Variants in FOCAD observed in about 807,000 individuals in gnomAD.
The protein encoded by FOCAD is KIAA1797.
Under a neutral mutation model 225.6 loss-of-function variants are expected in FOCAD, and 198 were observed. The observed-to-expected ratio is 0.88, with a 90% CI of 0.78 to 0.99. The LOEUF (loss-of-function observed/expected upper bound fraction) is 0.99, where lower values mean the gene tolerates loss of function less well. Among genes scored for constraint, FOCAD ranks in the 50% least tolerant of loss-of-function variants. The pLI, the probability that FOCAD is intolerant of heterozygous loss-of-function variation, is 0.00. For synonymous variants in FOCAD, 897 were observed against 755.0 expected (o/e 1.19, Z -3.08); for missense variants, 2,713 against 2,123.6 (o/e 1.28, Z -5.46).
chr9:20,967,974 A>C (rs554018746), intron 35 of FOCAD, among the ~76,000 whole-genome samples: 1 of 152,258 alleles, frequency 6.6e-6, no homozygotes, highest in Non-Finnish European at 1.5e-5. Flanking sequence ...CTGATCTCTT[A>C]GAATAAGTTA....
chr9:20,856,433 A>T (rs995887973), intron 15 of FOCAD, among the ~76,000 whole-genome samples: 3 of 151,740 alleles, frequency 2.0e-5, no homozygotes, highest in South Asian at 4.2e-4. Context: ...TTTTGAGTGG[A>T]TTGTTAGATT....
At chr9:20,812,737 C>T (rs1430972871) in intron 11 of FOCAD, among the ~76,000 whole-genome samples, 1 of 152,068 alleles carries the variant, frequency 6.6e-6, no homozygotes, top group African/African-American at 2.4e-5. Context: ...CTCCTATCCA[C>T]ATTTTGCCAT....
chr9:20,988,255 A>G, intron 40 of FOCAD, 77 bp from the exon 41 acceptor site: 1 of 856,450 alleles, frequency 1.2e-6, no homozygotes, highest in Non-Finnish European at 1.9e-6. Flanking sequence ...TGCTTTAGTT[A>G]TGATGGTTGT....
chr9:20,673,481 G>T (rs1045624250), intron 2 of FOCAD, among the ~76,000 whole-genome samples: 1 of 152,020 alleles, frequency 6.6e-6, no homozygotes, highest in Admixed American at 6.5e-5. Flanking sequence ...CTGTGGCTTT[G>T]ATTTGCATTC....
intron 15 of FOCAD, among the ~76,000 whole-genome samples, chr9:20,823,878 TG>T (rs1824595821): frequency 6.6e-6 from 1 of 152,146 alleles, no homozygotes; most frequent in Non-Finnish European, 1.5e-5. Flanking sequence ...CTCGTGTCCT[TG>T]GGCTAAGCAC....
At chr9:20,668,995 C>T (rs1283101353) in intron 2 of FOCAD, among the ~76,000 whole-genome samples, 7 of 152,118 alleles carry the variant, frequency 4.6e-5, no homozygotes, top group Admixed American at 4.6e-4. Context: ...AAAGGTGATT[C>T]CTTGCCCTGT....
intron 15 of FOCAD, among the ~76,000 whole-genome samples, chr9:20,830,387 A>G (rs2131491881): frequency 6.6e-6 from 1 of 152,122 alleles, no homozygotes; most frequent in South Asian, 2.1e-4. Flanking sequence ...TTTTTATCCC[A>G]TTTCCAAAGA....
chr9:20,672,161 C>T (rs535131954), intron 2 of FOCAD, among the ~76,000 whole-genome samples: 6 of 152,298 alleles, frequency 3.9e-5, no homozygotes, highest in African/African-American at 1.4e-4. Flanking sequence ...TTATAGAAGA[C>T]TGTTCCAAAG....
intron 11 of FOCAD, among the ~76,000 whole-genome samples, chr9:20,803,727 T>G (rs1406620871): frequency 6.6e-6 from 1 of 152,098 alleles, no homozygotes; most frequent in South Asian, 2.1e-4. Flanking sequence ...TCTTGCAGAC[T>G]TGGGCTCCTT....
At chr9:20,803,926 A>T (rs764976993) in intron 11 of FOCAD, among the ~76,000 whole-genome samples, 28 of 152,272 alleles carry the variant, frequency 1.8e-4, no homozygotes, top group Middle Eastern at 3.4e-3. Flanking sequence ...GAATTCTGTC[A>T]GTTAACTTTG....
chr9:20,679,458 C>T (rs1822334522), upstream of FOCAD, among the ~76,000 whole-genome samples: 1 of 152,118 alleles, frequency 6.6e-6, no homozygotes, highest in Non-Finnish European at 1.5e-5. Flanking sequence ...TCTCCTGATG[C>T]TGTGGGTGAC....
At chr9:20,952,022 C>T (rs1461372578) in intron 34 of FOCAD, among the ~76,000 whole-genome samples, 3 of 152,100 alleles carry the variant, frequency 2.0e-5, no homozygotes, top group African/African-American at 7.2e-5. Context: ...ACAGCCTTGG[C>T]AATGTAGTGA....
chr9:20,685,133 C>A (rs1348309744), intron 1 of FOCAD, among the ~76,000 whole-genome samples: 1 of 151,800 alleles, frequency 6.6e-6, no homozygotes, highest in Non-Finnish European at 1.5e-5. Flanking sequence ...GTATTAAAAT[C>A]GGCATTTCCT....
chr9:20,771,921 A>T (rs1186469007), intron 8 of FOCAD, among the ~76,000 whole-genome samples: 1 of 152,172 alleles, frequency 6.6e-6, no homozygotes, highest in East Asian at 1.9e-4. Flanking sequence ...TCTTATGAGG[A>T]TACTATCCAG....
intron 4 of FOCAD, among the ~76,000 whole-genome samples, chr9:20,735,069 TC>T (rs1827033858): frequency 6.6e-6 from 1 of 152,168 alleles, no homozygotes; most frequent in African/African-American, 2.4e-5. Flanking sequence ...AGTGCTTACT[TC>T]CCCCACCTAC....
At chr9:20,759,419 C>G (rs1191228960) in intron 6 of FOCAD, among the ~76,000 whole-genome samples, 6 of 152,192 alleles carry the variant, frequency 3.9e-5, no homozygotes, top group Non-Finnish European at 8.8e-5. Context: ...ATATCTACAA[C>G]TATCTGATCT....
chr9:20,718,345 G>T (rs895016281), intron 3 of FOCAD, among the ~76,000 whole-genome samples: 17 of 152,174 alleles, frequency 1.1e-4, no homozygotes, highest in African/African-American at 3.9e-4. Flanking sequence ...ACAAATAGCA[G>T]GTGAATGCTC....
At chr9:20,670,100 A>T (rs1822015714) in intron 2 of FOCAD, among the ~76,000 whole-genome samples, 1 of 152,364 alleles carries the variant, frequency 6.6e-6, no homozygotes, top group East Asian at 1.9e-4. Flanking sequence ...CACTTTCTAC[A>T]TAGTAAGAAC....
chr9:20,679,658 T>C (rs774535273), upstream of FOCAD, among the ~76,000 whole-genome samples: 2 of 152,192 alleles, frequency 1.3e-5, no homozygotes, highest in Non-Finnish European at 2.9e-5. Flanking sequence ...TCTTATACAA[T>C]AGAGAACTGC....
Sources: gnomAD v4.1 joint callset for allele counts (sites outside exome capture counted in the v4.1 genomes callset) on GRCh38, gnomAD v4.1.1 for gene constraint, MANE v1.5 for transcripts, NCBI Gene and HGNC (gene_info 2026-07-23, HGNC 2026-07-21) for gene names.